Variants in COL22A1 observed in about 807,000 individuals in gnomAD.
COL22A1 encodes the protein collagen type XXII alpha 1 chain, also known as collagen alpha-1(XXII) chain.
A neutral mutation model predicts 248.9 loss-of-function variants in COL22A1; 221 were observed. The observed-to-expected ratio is 0.89, with a 90% CI of 0.80 to 0.99. The LOEUF (loss-of-function observed/expected upper bound fraction) is 0.99. Ranked by LOEUF, COL22A1 falls within the 50% of genes least tolerant of loss-of-function variation. The pLI is 0.00. For synonymous variants in COL22A1, 891 were observed against 793.4 expected (o/e 1.12, Z -2.07); for missense variants, 2,240 against 2,179.0 (o/e 1.03, Z -0.56).
At chr8:138,673,186 A>C (rs2130782533) in intron 41 of COL22A1, among the ~76,000 whole-genome samples, 1 of 150,874 alleles carries the variant, frequency 6.6e-6, no homozygotes, top group South Asian at 2.1e-4. Context: ...AAGGAAGCAA[A>C]GAGTAACTTA....
At chr8:138,690,716 G>T in intron 36 of COL22A1, 105 bp downstream of exon 36, 1 of 844,908 alleles carries the variant, frequency 1.2e-6, no homozygotes, top group Non-Finnish European at 1.8e-6. Context: ...TGGGAGTAAG[G>T]ATCCTCCCCT....
intron 1 of COL22A1, among the ~76,000 whole-genome samples, chr8:138,902,739 T>TATATATATACAC (rs763466994): frequency 3.9e-4 from 37 of 93,888 alleles, no homozygotes; most frequent in African/African-American, 1.5e-3. Context: ...TATATATATA[T>TATATATATACAC]ACACACACAC....
At chr8:138,641,605 T>C (rs1821717131) in intron 47 of COL22A1, among the ~76,000 whole-genome samples, 1 of 152,158 alleles carries the variant, frequency 6.6e-6, no homozygotes, top group Non-Finnish European at 1.5e-5. Flanking sequence ...AGTCCTAGAA[T>C]GGAGCTCTGT....
At chr8:138,755,063 G>A (rs1832882892) in intron 21 of COL22A1, 94 bp downstream of exon 21, 2 of 1,276,192 alleles carry the variant, frequency 1.6e-6, no homozygotes, top group Middle Eastern at 2.0e-4. Context: ...TTGAGATAAT[G>A]CCATGCTCAG....
rs888728212 is a variant in COL22A1 at position 138,720,224 on chromosome 8, C to T, written c.2355+515G>A. Among the ~76,000 whole-genome samples, 9 of 152,300 alleles carry T rather than the reference C, an allele frequency of 5.9e-5. No individual in the cohort carries two copies. The South Asian group carries it at 1.7e-3, about 28-fold the overall frequency. On this transcript the variant is annotated intron_variant, in intron 27 of 64. Transcript: ENST00000303045. Reference sequence around the variant, plus strand: ...CCCACTGGAAGCTGGCCCGAGAAGGCTGAACTCTACGGATTGCATCTGCCA... The same window carrying T: ...CCCACTGGAAGCTGGCCCGAGAAGGTTGAACTCTACGGATTGCATCTGCCA...
intron 1 of COL22A1, among the ~76,000 whole-genome samples, chr8:138,910,109 T>C (rs1229141974): frequency 2.6e-5 from 4 of 152,232 alleles, no homozygotes; most frequent in Non-Finnish European, 4.4e-5. Flanking sequence ...CTGACTTTAC[T>C]AAATAAGAAA....
chr8:138,591,646 C>A (rs78417548), intron 63 of COL22A1, 145 bp from the exon 64 acceptor site: 1 of 497,308 alleles, frequency 2.0e-6, no homozygotes. Context: ...ACACTCATGC[C>A]GCACAGGACC....
intron 22 of COL22A1, among the ~76,000 whole-genome samples, chr8:138,748,038 T>C (rs983561696): frequency 6.6e-6 from 1 of 152,170 alleles, no homozygotes; most frequent in Non-Finnish European, 1.5e-5. Context: ...CAAGCAAGTG[T>C]GCAGAGGCAG....
At chr8:138,874,011 T>A (rs1482258407) in intron 3 of COL22A1, among the ~76,000 whole-genome samples, 3 of 152,236 alleles carry the variant, frequency 2.0e-5, no homozygotes, top group African/African-American at 4.8e-5. Context: ...ATCCTCTGTG[T>A]ACCAAGAGAT....
intron 60 of COL22A1, 96 bp from the exon 61 acceptor site, chr8:138,598,994 C>G (rs1817770402): frequency 7.6e-7 from 1 of 1,321,046 alleles, no homozygotes; most frequent in African/African-American, 1.5e-5. Flanking sequence ...CCTCTTAGAT[C>G]ACTGAAAGGG....
chr8:138,752,171 G>T (rs1407408063), intron 21 of COL22A1, among the ~76,000 whole-genome samples: 1 of 152,126 alleles, frequency 6.6e-6, no homozygotes, highest in Non-Finnish European at 1.5e-5. Context: ...TTCTAAAGCT[G>T]GGGCACAGCA....
intron 27 of COL22A1, among the ~76,000 whole-genome samples, chr8:138,717,127 A>C (rs951119390): frequency 6.6e-6 from 1 of 151,994 alleles, no homozygotes; most frequent in African/African-American, 2.4e-5. Flanking sequence ...GTCCCATTAG[A>C]ATTTATTTTT....
intron 60 of COL22A1, among the ~76,000 whole-genome samples, chr8:138,600,940 A>G (rs142465140): frequency 6.6e-6 from 1 of 152,342 alleles, no homozygotes; most frequent in Admixed American, 6.5e-5. Flanking sequence ...TTGTGGTGAC[A>G]GGACTTATCC....
Position 138,877,967 on chromosome 8 carries a change from G to A in COL22A1, c.441C>T (p.Ile147=). Residue 147 remains isoleucine, a synonymous_variant, in exon 3 of 65, where the codon ATC becomes ATT. Coordinates refer to ENST00000303045, the MANE Select transcript of COL22A1 (RefSeq NM_152888.3). ...PRDRAYKQVA[I]LLTDGRSQDL... is the part of the protein sequence containing the mutation. The stretch of plus-strand genomic sequence containing the variant: ...CCTGGCTGCGGCCGTCGGTGAGCAG[G>A]ATGGCCACCTGCTTGTAGGCGCGGT... 6.3e-7 allele frequency: 1 copy of A among 1,593,210 alleles called. No homozygotes were observed. Among genetic ancestry groups the A allele is most frequent in the Non-Finnish European group, 8.5e-7 (1 of 1,169,776 alleles).
intron 60 of COL22A1, among the ~76,000 whole-genome samples, chr8:138,599,198 C>T (rs554950170): frequency 4.6e-5 from 7 of 152,168 alleles, no homozygotes; most frequent in South Asian, 2.1e-4. Context: ...AAAAATTAGC[C>T]GGGCGTGGTG....
chr8:138,869,033 G>C (rs965843837), intron 3 of COL22A1, among the ~76,000 whole-genome samples: 10 of 152,146 alleles, frequency 6.6e-5, no homozygotes, highest in African/African-American at 2.4e-4. Context: ...ACCCAGCCCA[G>C]CATCCTCTTC....
chr8:138,753,224 C>T (rs1051882073), intron 21 of COL22A1, among the ~76,000 whole-genome samples: 1 of 152,166 alleles, frequency 6.6e-6, no homozygotes, highest in African/African-American at 2.4e-5. Context: ...TGCCGCAGGG[C>T]TAGCTCTACA....
intron 3 of COL22A1, among the ~76,000 whole-genome samples, chr8:138,854,028 G>A (rs1821827827): frequency 6.6e-6 from 1 of 152,200 alleles, no homozygotes; most frequent in African/African-American, 2.4e-5. Flanking sequence ...CCCCTTAAAT[G>A]AGCAGGATGT....
intron 41 of COL22A1, among the ~76,000 whole-genome samples, chr8:138,668,873 T>C (rs1041800721): frequency 1.3e-5 from 2 of 152,040 alleles, no homozygotes; most frequent in African/African-American, 4.8e-5. Flanking sequence ...CCGAGAGAGT[T>C]TGAGGAACCT....
Sources: gnomAD v4.1 joint callset for allele counts (sites outside exome capture counted in the v4.1 genomes callset) on GRCh38, gnomAD v4.1.1 for gene constraint, MANE v1.5 for transcripts, NCBI Gene and HGNC (gene_info 2026-07-23, HGNC 2026-07-21) for gene names.